Variants in FCHO1 observed in about 807,000 individuals in gnomAD.
FCHO1 encodes the protein F-BAR domain only protein 1.
FCHO1 carries 45 observed loss-of-function variants against 114.4 expected under a neutral mutation model. The ratio of observed to expected loss-of-function variants is 0.39; its 90% confidence interval spans 0.31 to 0.50. FCHO1 has a LOEUF of 0.50. Ranked by LOEUF, FCHO1 falls within the 20% of genes least tolerant of loss-of-function variation. The probability of loss-of-function intolerance (pLI) is 0.77; values close to 1 mark genes in which losing one functional copy is unlikely to be tolerated. For synonymous variants in FCHO1, 480 were observed against 488.9 expected, an observed-to-expected ratio of 0.98 and a Z score of 0.24; for missense variants, 1,042 against 1,209.6, an observed-to-expected ratio of 0.86 and a Z score of 2.06.
chr19:17,774,587 C>A (rs949060996), intron 13 of FCHO1, 109 bp downstream of exon 13: 2 of 813,916 alleles, frequency 2.5e-6, no homozygotes, highest in South Asian at 1.6e-5. Flanking sequence ...TATCCATATT[C>A]CAGGCTGGAC....
At chr19:17,764,207 A>AT (rs1397555467) in intron 5 of FCHO1, among the ~76,000 whole-genome samples, 168 bp from the exon 6 acceptor site, 1 of 152,000 alleles carries the variant, frequency 6.6e-6, no homozygotes, top group Non-Finnish European at 1.5e-5. Context: ...CACCTGGCTA[A>AT]TTTTTGTATT....
intron 9 of FCHO1, 116 bp downstream of exon 9, chr19:17,771,012 G>C: frequency 1.2e-6 from 1 of 822,134 alleles, no homozygotes; most frequent in African/African-American, 1.7e-5. Flanking sequence ...CCAGCACTTT[G>C]GGAGGCCGAG....
Position 17,776,517 on chromosome 19 carries a change from T to G in FCHO1, c.1208-118T>G, listed in dbSNP as rs946543337. The G allele has an allele frequency of 6.9e-5, 83 of 1,204,990 alleles. No homozygotes were observed. Among genetic ancestry groups the G allele is most frequent in the Non-Finnish European group, 9.4e-5 (77 of 815,936 alleles). The allele number at this position is 1,204,990 out of a possible 1,614,324, so 74.6% of individuals were successfully genotyped here. On this transcript the variant is annotated intron_variant, in intron 17 of 28. Coordinates refer to ENST00000596536, the MANE Select transcript of FCHO1 (RefSeq NM_015122.3). The surrounding 1 kb of genome is among the most constrained non-coding windows in gnomAD (Gnocchi z 4.4). The stretch of plus-strand genomic sequence containing the variant: ...AGGCTTGAATCCATGTCTGCCTGAT[T>G]TGCTGATCACCTTGGGCAACTGGCT...
chr19:17,766,325 C>T (rs985953969), intron 6 of FCHO1, among the ~76,000 whole-genome samples: 2 of 151,362 alleles, frequency 1.3e-5, no homozygotes, highest in Non-Finnish European at 2.9e-5. Flanking sequence ...TAAGTACAGA[C>T]GGGGGTTTCA....
chr19:17,764,256 G>A (rs1419295696), intron 5 of FCHO1, 119 bp from the exon 6 acceptor site: 1 of 1,001,022 alleles, frequency 1.0e-6, no homozygotes, highest in Non-Finnish European at 1.6e-6. Flanking sequence ...GGCCAGGCTG[G>A]TCTTGAACTC....
chr19:17,780,544 C>A (rs373312826), intron 20 of FCHO1, among the ~76,000 whole-genome samples: 40 of 152,262 alleles, frequency 2.6e-4, no homozygotes, highest in African/African-American at 8.2e-4. Flanking sequence ...TTTTGGTTGT[C>A]ACCACCAGGC....
Position 17,774,299 on chromosome 19 carries a change from C to T in FCHO1, c.835+16C>T. On this transcript the variant is annotated intron_variant, in intron 12 of 28. Transcript: ENST00000596536. ...CTGCAGGAAGGCAAGTACGTCTGGG[C>T]CTGGATGCCCAGGCTGGACCATGGG... 6.2e-7 allele frequency: 1 copy of T among 1,614,036 alleles called. No individual in the cohort carries two copies. The highest frequency in any genetic ancestry group is 8.5e-7 in the Non-Finnish European group (1 of 1,179,972).
chr19:17,765,273 G>A (rs543582303), intron 6 of FCHO1, among the ~76,000 whole-genome samples: 29 of 152,256 alleles, frequency 1.9e-4, no homozygotes, highest in African/African-American at 7.0e-4. Context: ...GTTTACGGAA[G>A]AGTGAGGAGG....
chr19:17,780,398 A>G (rs908900654), intron 20 of FCHO1, among the ~76,000 whole-genome samples: 6 of 152,072 alleles, frequency 3.9e-5, no homozygotes, highest in Non-Finnish European at 7.4e-5. Context: ...TCCTGACCTC[A>G]GGTGATCTGC....
intron 4 of FCHO1, 168 bp downstream of exon 4, chr19:17,755,359 C>A: frequency 1.6e-6 from 1 of 629,216 alleles, no homozygotes; most frequent in East Asian, 2.9e-5. Context: ...CCACACCCAC[C>A]CCAGACCTCA....
intron 18 of FCHO1, among the ~76,000 whole-genome samples, chr19:17,777,165 C>T (rs974870814): frequency 1.3e-5 from 2 of 152,084 alleles, no homozygotes; most frequent in East Asian, 3.9e-4. Flanking sequence ...CTGCTGTGTA[C>T]CTGTGCTGTT....
In FCHO1 at chr19:17,784,342, C is replaced by G; in HGVS notation, c.2226+107C>G. 1 of 1,386,458 alleles carries G rather than the reference C, an allele frequency of 7.2e-7. No individual in the cohort carries two copies. Among genetic ancestry groups the G allele is most frequent in the African/African-American group, 1.4e-5 (1 of 70,016 alleles). 85.9% of individuals were successfully genotyped at this position (1,386,458 alleles called of 1,614,324 possible). On this transcript the variant is annotated intron_variant, in intron 25 of 28. Transcript: ENST00000596536. The surrounding 1 kb of genome is among the most constrained non-coding windows in gnomAD (Gnocchi z 5.3). ...TGTTGGCCAGGCTGGTCTCGAATTC[C>G]TGACCTCAAGAGATCCAATCTGTGA...
In FCHO1 at chr19:17,784,601, C is replaced by T; in HGVS notation, c.2227-124C>T. Reference sequence around the variant, plus strand: ...ATACAGCCTCTCATCCATCAAATCTCCCTGTGACTGGACCCCCTTGGGGCG... The same window carrying T: ...ATACAGCCTCTCATCCATCAAATCTTCCTGTGACTGGACCCCCTTGGGGCG... On this transcript the variant is annotated intron_variant, in intron 25 of 28. Transcript: ENST00000596536. The surrounding 1 kb of genome is among the most constrained non-coding windows in gnomAD (Gnocchi z 5.3). 1 of 917,212 alleles carries T rather than the reference C, an allele frequency of 1.1e-6. No individual in the cohort carries two copies. Among genetic ancestry groups the T allele is most frequent in the Non-Finnish European group, 1.8e-6 (1 of 565,060 alleles). The allele number at this position is 917,212 out of a possible 1,614,324, so 56.8% of individuals were successfully genotyped here.
intron 19 of FCHO1, 108 bp from the exon 20 acceptor site, chr19:17,778,501 A>T: frequency 1.5e-6 from 2 of 1,334,138 alleles, no homozygotes; most frequent in East Asian, 5.1e-5. Context: ...AGGACTTTGA[A>T]TGGGGGCCCC....
chr19:17,749,339 A>G (rs779258606), upstream of FCHO1, among the ~76,000 whole-genome samples: 2 of 152,084 alleles, frequency 1.3e-5, no homozygotes, highest in African/African-American at 2.4e-5. Flanking sequence ...AATGGGCTGA[A>G]TTCCTCTGGG....
intron 6 of FCHO1, among the ~76,000 whole-genome samples, chr19:17,764,724 G>A (rs1568332038): frequency 6.6e-6 from 1 of 152,180 alleles, no homozygotes; most frequent in Non-Finnish European, 1.5e-5. Flanking sequence ...TGTGTGAGAA[G>A]AGAGATGTTA....
chr19:17,766,804 C>T lies in FCHO1; in HGVS notation c.330C>T (p.His110=). 6.2e-7 allele frequency: 1 copy of T among 1,613,654 alleles called. No individual in the cohort carries two copies. Among genetic ancestry groups the T allele is most frequent in the Non-Finnish European group, 8.5e-7 (1 of 1,179,652 alleles). The change falls in exon 7 of 29, where the codon CAC becomes CAT. Residue 110 remains histidine, a synonymous_variant. Transcript: ENST00000596536. The stretch of plus-strand genomic sequence containing the variant: ...ACGGCGAGGAACAGCTCAAGACCCA[C>T]AAGAAGGTGTGTGTCGTGGGCGCCG... ...LRYGEEQLKT[H]KKCKEEVVST...
Position 17,776,800 on chromosome 19 carries a change from T to A in FCHO1, c.1259+114T>A. ...GCTGGGAGTTGACGTCATGCTGGGG[T>A]TTTTTTGTTTTTGTTTTTGTTTTGA... On this transcript the variant is annotated intron_variant, in intron 18 of 28. Transcript: ENST00000596536. This position sits in a 1 kb window ranked among gnomAD's most constrained non-coding sequence, Gnocchi z 4.4. The A allele has an allele frequency of 9.8e-7, 1 of 1,015,998 alleles. No individual in the cohort carries two copies. Among genetic ancestry groups the A allele is most frequent in the African/African-American group, 1.6e-5 (1 of 61,264 alleles). 62.9% of individuals were successfully genotyped at this position (1,015,998 alleles called of 1,614,324 possible).
At position 17,778,764 on chromosome 19, in the gene FCHO1, C is replaced by T. The variant is rs768597149; in HGVS notation, c.1507C>T (p.Pro503Ser). ...VPRPGTPQSP[P>S]SCRAPPPEAR... is the part of the protein sequence containing the mutation. ...CCGCCCAGGCACCCCGCAGAGCCCGCCCAGCTGTAGGGCGCCACCCCCAGA... is the reference window on the plus strand; with the variant it reads ...CCGCCCAGGCACCCCGCAGAGCCCGTCCAGCTGTAGGGCGCCACCCCCAGA... The change falls in exon 20 of 29, where the codon CCC (proline) becomes TCC (serine). Residue 503 changes from proline to serine, a missense_variant. Pro to Ser is a moderately conservative substitution (Grantham distance 74). Around this residue, in one of 3 missense-constraint regions of FCHO1, gnomAD observed 455 missense variants for 455.4 expected, o/e 1.00. Coordinates refer to ENST00000596536, the MANE Select transcript of FCHO1 (RefSeq NM_015122.3). 2 of 1,538,900 alleles carry T rather than the reference C, an allele frequency of 1.3e-6. No individual in the cohort carries two copies. Among genetic ancestry groups the T allele is most frequent in the African/African-American group, 2.7e-5 (2 of 73,166 alleles).
Sources: gnomAD v4.1 joint callset for allele counts (sites outside exome capture counted in the v4.1 genomes callset) on GRCh38, gnomAD v4.1.1 for gene constraint, gnomAD v4.1.1 regional missense constraint, Gnocchi (gnomAD v3.1) non-coding constraint, MANE v1.5 for transcripts, NCBI Gene and HGNC (gene_info 2026-07-23, HGNC 2026-07-21) for gene names.